Variants in HEMK2 observed in about 807,000 individuals in gnomAD.
HEMK2 encodes methyltransferase HEMK2.
At chr21:28,777,236 T>TA in the HEMK2 span, among the ~76,000 whole-genome samples, 3 of 152,224 alleles carry the variant, frequency 2.0e-5, no homozygotes, top group Non-Finnish European at 4.4e-5. Flanking sequence ...TTGTGCCTTC[T>TA]CTATTTCAGT....
the HEMK2 span, among the ~76,000 whole-genome samples, chr21:28,792,100 T>C: frequency 6.6e-6 from 1 of 152,142 alleles, no homozygotes; most frequent in Non-Finnish European, 1.5e-5. Flanking sequence ...AATGCCATGG[T>C]AGTATCTGGA....
chr21:28,667,244 T>C, the HEMK2 span, among the ~76,000 whole-genome samples: 4 of 152,156 alleles, frequency 2.6e-5, no homozygotes, highest in African/African-American at 9.6e-5. Context: ...TATATAAACA[T>C]GTGTTGTTTT....
At chr21:28,860,247 C>G in the HEMK2 span, among the ~76,000 whole-genome samples, 1 of 151,926 alleles carries the variant, frequency 6.6e-6, no homozygotes, top group African/African-American at 2.4e-5. Context: ...AAGAAGCAGG[C>G]AGAAAAATAA....
chr21:28,591,043 G>A, the HEMK2 span, among the ~76,000 whole-genome samples: 388 of 152,294 alleles, frequency 2.5e-3, 1 homozygote, highest in Non-Finnish European at 4.3e-3. Flanking sequence ...TGATTGCAGG[G>A]AAGCTGGATG....
the HEMK2 span, among the ~76,000 whole-genome samples, chr21:28,702,310 A>C: frequency 3.0e-5 from 1 of 33,894 alleles, no homozygotes; most frequent in Non-Finnish European, 4.3e-5. Context: ...CTATTGCAAC[A>C]AAAAAAAAAA....
chr21:28,787,858 G>T, the HEMK2 span, among the ~76,000 whole-genome samples: 1 of 152,078 alleles, frequency 6.6e-6, no homozygotes, highest in Non-Finnish European at 1.5e-5. Context: ...CTACCACTGG[G>T]TATCTACCCA....
the HEMK2 span, among the ~76,000 whole-genome samples, chr21:28,849,305 T>C: frequency 0.51 from 76,953 of 151,740 alleles, 21,601 homozygotes; most frequent in East Asian, 0.8. Context: ...CACATTATAC[T>C]ACAATCAAAC....
the HEMK2 span, among the ~76,000 whole-genome samples, chr21:28,787,313 C>T: frequency 6.6e-6 from 1 of 152,166 alleles, no homozygotes; most frequent in Non-Finnish European, 1.5e-5. Context: ...GCAAGGATTT[C>T]ATGACCAAGA....
At chr21:28,758,156 T>A in the HEMK2 span, among the ~76,000 whole-genome samples, 3 of 152,146 alleles carry the variant, frequency 2.0e-5, no homozygotes, top group Admixed American at 2.0e-4. Flanking sequence ...TAGATTGTGA[T>A]CCTAAGACAA....
At chr21:28,829,910 A>C in the HEMK2 span, among the ~76,000 whole-genome samples, 1 of 152,160 alleles carries the variant, frequency 6.6e-6, no homozygotes, top group Non-Finnish European at 1.5e-5. Flanking sequence ...ATTTGGAGAA[A>C]ATTCCTGGAA....
the HEMK2 span, among the ~76,000 whole-genome samples, chr21:28,825,018 C>G: frequency 6.6e-6 from 1 of 152,190 alleles, no homozygotes; most frequent in Admixed American, 6.6e-5. Context: ...GAAATAAACA[C>G]TGCTTTGAAG....
the HEMK2 span, among the ~76,000 whole-genome samples, chr21:28,843,476 G>A: frequency 1.3e-5 from 2 of 152,156 alleles, no homozygotes; most frequent in East Asian, 1.9e-4. Context: ...GTCCTTATCC[G>A]GGAATTCTGA....
At chr21:28,868,607 T>C in the HEMK2 span, among the ~76,000 whole-genome samples, 1 of 152,216 alleles carries the variant, frequency 6.6e-6, no homozygotes, top group Non-Finnish European at 1.5e-5. Flanking sequence ...TTGCCTAAGC[T>C]TGTGGGGTGG....
chr21:28,617,570 C>T, the HEMK2 span, among the ~76,000 whole-genome samples: 2 of 152,110 alleles, frequency 1.3e-5, no homozygotes, highest in African/African-American at 4.8e-5. Context: ...TGGCCATTGC[C>T]GCATGGAGAG....
the HEMK2 span, among the ~76,000 whole-genome samples, chr21:28,719,514 GA>G: frequency 6.6e-6 from 1 of 152,196 alleles, no homozygotes; most frequent in African/African-American, 2.4e-5. Context: ...CCATGATTGT[GA>G]GGCCTCCCCA....
chr21:28,819,199 A>G, the HEMK2 span, among the ~76,000 whole-genome samples: 3 of 151,990 alleles, frequency 2.0e-5, no homozygotes, highest in African/African-American at 7.2e-5. Context: ...GTATTGTTGG[A>G]TACCCATGAC....
the HEMK2 span, among the ~76,000 whole-genome samples, chr21:28,870,811 A>C: frequency 1.3e-5 from 2 of 152,388 alleles, no homozygotes; most frequent in Admixed American, 1.3e-4. Context: ...AACACTTTAT[A>C]GTCAGAGAAG....
At chr21:28,831,587 GAAGGAAA>G in the HEMK2 span, among the ~76,000 whole-genome samples, 1 of 80,930 alleles carries the variant, frequency 1.2e-5, no homozygotes, top group Admixed American at 1.3e-4. Flanking sequence ...AAGAAGGAAA[GAAGGAAA>G]GAAGGAAAGA....
chr21:28,654,475 A>C, the HEMK2 span, among the ~76,000 whole-genome samples: 1 of 152,126 alleles, frequency 6.6e-6, no homozygotes, highest in African/African-American at 2.4e-5. Flanking sequence ...AAGGCACAAA[A>C]GTTAGAGATC....
Sources: gnomAD v4.1 joint callset for allele counts (sites outside exome capture counted in the v4.1 genomes callset) on GRCh38, gnomAD v4.1.1 for gene constraint, MANE v1.5 for transcripts, NCBI Gene and HGNC (gene_info 2026-07-23, HGNC 2026-07-21) for gene names.